The following LRRN2 variants were observed in gnomAD, a reference collection of about 807,000 sequenced individuals.
The protein encoded by LRRN2 is leucine rich repeat neuronal 2.
LRRN2 carries 10 observed loss-of-function variants against 35.7 expected under a neutral mutation model. The observed-to-expected ratio is 0.28, with a 90% CI of 0.17 to 0.47. The LOEUF (loss-of-function observed/expected upper bound fraction) is 0.47, where lower values mean the gene tolerates loss of function less well. Among genes scored for constraint, LRRN2 ranks in the 20% least tolerant of loss-of-function variants. The pLI is 0.99. For missense variants in LRRN2, 731 were observed against 940.3 expected (o/e 0.78, Z 2.91); for synonymous variants, 391 against 409.6 (o/e 0.95, Z 0.55).
At chr1:204,647,772 C>T (rs888342328) in intron 1 of LRRN2, among the ~76,000 whole-genome samples, 1 of 152,136 alleles carries the variant, frequency 6.6e-6, no homozygotes, top group Non-Finnish European at 1.5e-5. Context: ...GGTGGCAGCC[C>T]CACATGAGGC....
chr1:204,650,304 C>A (rs959247643), intron 1 of LRRN2, among the ~76,000 whole-genome samples: 5 of 152,242 alleles, frequency 3.3e-5, no homozygotes, highest in African/African-American at 4.8e-5. Flanking sequence ...AGAAGCTGAT[C>A]ATTTTGCAGA....
At chr1:204,660,897 T>C (rs1044246013) in intron 1 of LRRN2, among the ~76,000 whole-genome samples, 4 of 152,300 alleles carry the variant, frequency 2.6e-5, no homozygotes, top group African/African-American at 9.6e-5. Context: ...CCAGTAGCTG[T>C]CTACAGAGGG....
chr1:204,642,667 T>A (rs1668009031), intron 1 of LRRN2, among the ~76,000 whole-genome samples: 1 of 152,216 alleles, frequency 6.6e-6, no homozygotes, highest in Non-Finnish European at 1.5e-5. Flanking sequence ...CCGGCAGGAC[T>A]CATCCCTACA....
At chr1:204,658,166 C>T (rs775051842) in intron 1 of LRRN2, among the ~76,000 whole-genome samples, 28 of 151,884 alleles carry the variant, frequency 1.8e-4, no homozygotes, top group Admixed American at 3.3e-4. Context: ...TTAGTGGAGA[C>T]GGGGTTTCAC....
chr1:204,633,348 C>T (rs1342547094), intron 1 of LRRN2: 1 of 152,170 alleles, frequency 6.6e-6, no homozygotes, highest in African/African-American at 2.4e-5. Flanking sequence ...CACGGTAGCC[C>T]TCTGAAGTCA....
intron 1 of LRRN2, among the ~76,000 whole-genome samples, chr1:204,660,423 C>T (rs1257412508): frequency 6.6e-6 from 1 of 152,150 alleles, no homozygotes; most frequent in East Asian, 1.9e-4. Flanking sequence ...TAGAATGGGG[C>T]CTAGTAAATA....
At chr1:204,667,391 A>G (rs1668596510) in intron 1 of LRRN2, among the ~76,000 whole-genome samples, 1 of 152,224 alleles carries the variant, frequency 6.6e-6, no homozygotes, top group South Asian at 2.1e-4. Context: ...TTAAAAAACA[A>G]CAATTTAAAA....
At chr1:204,654,485 T>C (rs12125624) in intron 1 of LRRN2, among the ~76,000 whole-genome samples, 61,643 of 151,758 alleles carry the variant, frequency 0.41, 13,705 homozygotes, top group Admixed American at 0.51. Flanking sequence ...GCCTGCTTTC[T>C]TAGTTGATAA....
intron 1 of LRRN2, among the ~76,000 whole-genome samples, chr1:204,676,755 C>G (rs969932897): frequency 3.9e-5 from 6 of 152,282 alleles, no homozygotes; most frequent in African/African-American, 1.4e-4. Flanking sequence ...ACCCTATTCT[C>G]TAGAGGAGTG....
chr1:204,630,356 G>A (rs1336495635), intron 1 of LRRN2, among the ~76,000 whole-genome samples: 1 of 152,158 alleles, frequency 6.6e-6, no homozygotes, highest in Non-Finnish European at 1.5e-5. Flanking sequence ...TCTGGCGGCT[G>A]AGGAGACAGG....
At chr1:204,638,499 C>T (rs1037140076) in intron 1 of LRRN2, among the ~76,000 whole-genome samples, 1 of 146,504 alleles carries the variant, frequency 6.8e-6, no homozygotes, top group South Asian at 2.2e-4. Flanking sequence ...GCAACCTCCG[C>T]CCTCTAGGTT....
chr1:204,618,981 C>T lies in LRRN2; in HGVS notation c.1012G>A (p.Glu338Lys). Residue 338 changes from glutamate (E) to lysine (K), a missense_variant, in exon 2 of 2, where the codon GAG becomes AAG. By Grantham distance (56) the Glu-to-Lys change is moderately conservative. This residue lies in a region of LRRN2 where 256 missense variants were observed against 392.4 expected (regional missense o/e 0.65). Coordinates refer to ENST00000367177, the MANE Select transcript of LRRN2 (RefSeq NM_201630.2). The part of the protein sequence containing the change: ...PRAFHHLPQM[E>K]TLMLNNNALS... The stretch of plus-strand genomic sequence containing the variant: ...GCGTTGTTGTTGAGCATGAGGGTCT[C>T]CATCTGGGGCAGGTGGTGGAAGGCG... 6.2e-7 allele frequency: 1 copy of T among 1,613,244 alleles called. No homozygotes were observed.
At chr1:204,644,552 T>C (rs1668057560) in intron 1 of LRRN2, among the ~76,000 whole-genome samples, 1 of 152,164 alleles carries the variant, frequency 6.6e-6, no homozygotes, top group Admixed American at 6.5e-5. Flanking sequence ...TCCATTCTCT[T>C]ATTAGGGAGC....
chr1:204,641,004 A>G (rs995437346), intron 1 of LRRN2, among the ~76,000 whole-genome samples: 1 of 114,974 alleles, frequency 8.7e-6, no homozygotes, highest in Non-Finnish European at 2.0e-5. Context: ...GGGTTAAAAA[A>G]GAAAAAAAAA....
intron 1 of LRRN2, among the ~76,000 whole-genome samples, chr1:204,645,777 G>A (rs772753621): frequency 2.0e-5 from 3 of 152,154 alleles, no homozygotes; most frequent in African/African-American, 4.8e-5. Flanking sequence ...GCGGCAGGAC[G>A]GAGTGAGTGC....
In LRRN2 at chr1:204,619,460, C is replaced by G; in HGVS notation, c.533G>C (p.Arg178Thr). Reference sequence around the variant, plus strand: ...TTCAAACCAGCGGCTGTCAATGGCCCTCAGGAGGTTGGAGTTGAGGTGCAG... The same window carrying G: ...TTCAAACCAGCGGCTGTCAATGGCCGTCAGGAGGTTGGAGTTGAGGTGCAG... ...LRLHLNSNLL[R>T]AIDSRWFEML... The change falls in exon 2 of 2, where the codon AGG becomes ACG. Residue 178 changes from arginine to threonine, a missense_variant. Arg to Thr is a moderately conservative substitution (Grantham distance 71). Around this residue, in one of 3 missense-constraint regions of LRRN2, gnomAD observed 246 missense variants for 289.5 expected, o/e 0.85. Transcript: ENST00000367177. 1 of 1,614,232 alleles carries G rather than the reference C, an allele frequency of 6.2e-7. No homozygotes were observed. Among genetic ancestry groups the G allele is most frequent in the South Asian group, 1.1e-5 (1 of 91,090 alleles).
intron 1 of LRRN2, among the ~76,000 whole-genome samples, chr1:204,656,710 C>CTA (rs1668363989): frequency 6.6e-6 from 1 of 152,168 alleles, no homozygotes; most frequent in African/African-American, 2.4e-5. Context: ...GTTCCATGAC[C>CTA]TATTTGCGTC....
chr1:204,645,594 A>C (rs1571657309), intron 1 of LRRN2, among the ~76,000 whole-genome samples: 1 of 152,346 alleles, frequency 6.6e-6, no homozygotes, highest in East Asian at 1.9e-4. Flanking sequence ...CTGATAAGGA[A>C]ACTTCAGAAT....
chr1:204,648,690 G>C lies in LRRN2; in HGVS notation c.-226-28472C>G, dbSNP rs553079542. 2.6e-5 allele frequency among the ~76,000 whole-genome samples: 4 copies of C among 152,344 alleles called. No individual in the cohort carries two copies. In the East Asian group the frequency reaches 5.8e-4, roughly 22 times the overall value. On this transcript the variant is annotated intron_variant, in intron 1 of 1. Coordinates refer to ENST00000367177, the MANE Select transcript of LRRN2 (RefSeq NM_201630.2). Reference sequence around the variant, plus strand: ...ATTCATCCATTTATACTCTGCAGCTGTGTGCTGAGAACCAGGCCATGAGCT... The same window carrying C: ...ATTCATCCATTTATACTCTGCAGCTCTGTGCTGAGAACCAGGCCATGAGCT...
Sources: gnomAD v4.1 joint callset for allele counts (sites outside exome capture counted in the v4.1 genomes callset) on GRCh38, gnomAD v4.1.1 for gene constraint, gnomAD v4.1.1 regional missense constraint, MANE v1.5 for transcripts, NCBI Gene and HGNC (gene_info 2026-07-23, HGNC 2026-07-21) for gene names.